NTN1: variants seen among roughly 807,000 people sequenced by gnomAD.
NTN1 encodes the protein netrin-1.
In NTN1, 11 loss-of-function variants were observed where a neutral mutation model predicts 54.2. The observed-to-expected ratio is 0.20, with a 90% CI of 0.13 to 0.34. NTN1 has a LOEUF of 0.34. Among genes scored for constraint, NTN1 ranks in the 10% least tolerant of loss-of-function variants. The pLI is 1.00. For synonymous variants in NTN1, 371 were observed against 382.0 expected (o/e 0.97, Z 0.33); for missense variants, 740 against 893.1 (o/e 0.83, Z 2.18).
the NTN1 span, among the ~76,000 whole-genome samples, chr17:9,003,125 G>A: frequency 6.6e-6 from 1 of 152,170 alleles, no homozygotes; most frequent in African/African-American, 2.4e-5. The surrounding 1 kb of genome is among the most constrained non-coding windows in gnomAD (Gnocchi z 7.4). Flanking sequence ...GCCTCCCGCT[G>A]CCGCCGGCGC....
intron 2 of NTN1, among the ~76,000 whole-genome samples, chr17:9,156,072 G>A (rs2092341075): frequency 6.6e-6 from 1 of 152,008 alleles, no homozygotes; most frequent in African/African-American, 2.4e-5. Context: ...GGGAAGAAGC[G>A]CCCCCCACCG....
intron 2 of NTN1, among the ~76,000 whole-genome samples, chr17:9,073,090 G>A (rs1035020659): frequency 2.6e-5 from 4 of 152,222 alleles, no homozygotes; most frequent in Non-Finnish European, 4.4e-5. Flanking sequence ...GAGGACGAGC[G>A]GATATTGAAA....
At chr17:9,173,220 C>G (rs11870124) in intron 3 of NTN1, 25,878 of 152,442 alleles carry the variant, frequency 0.17, 2,390 homozygotes, top group East Asian at 0.39. Flanking sequence ...TAGGTCCGCT[C>G]CATTCCAGAA....
chr17:9,226,118 C>A (rs1333888303), intron 6 of NTN1, among the ~76,000 whole-genome samples: 1 of 133,080 alleles, frequency 7.5e-6, no homozygotes, highest in South Asian at 2.3e-4. Flanking sequence ...GAGCCCAGCT[C>A]CCGTAGGCTT....
intron 2 of NTN1, among the ~76,000 whole-genome samples, chr17:9,125,927 A>G (rs1352080687): frequency 6.6e-6 from 1 of 152,202 alleles, no homozygotes; most frequent in Non-Finnish European, 1.5e-5. Context: ...CAGTCTTTAC[A>G]TTAAATGTTT....
At chr17:9,193,613 C>T (rs918249538) in intron 5 of NTN1, among the ~76,000 whole-genome samples, 1 of 152,140 alleles carries the variant, frequency 6.6e-6, no homozygotes, top group African/African-American at 2.4e-5. Flanking sequence ...CTGTTTTGCT[C>T]GCTGGTTTAA....
chr17:9,198,758 G>T (rs181834284), intron 5 of NTN1, among the ~76,000 whole-genome samples: 1 of 152,198 alleles, frequency 6.6e-6, no homozygotes, highest in African/African-American at 2.4e-5. Flanking sequence ...AGGAGTTCAG[G>T]CTCAGCTGTG....
intron 4 of NTN1, among the ~76,000 whole-genome samples, chr17:9,182,012 C>T (rs997597489): frequency 3.9e-5 from 6 of 152,204 alleles, no homozygotes; most frequent in South Asian, 4.1e-4. Flanking sequence ...GGATCTTGCT[C>T]TGTTGCCCAG....
In NTN1 at chr17:9,023,099, C is replaced by A. The variant is rs768951304; in HGVS notation, c.726C>A (p.Val242=). ...FDNSPVLQDW[V]TATDIRVAFS... ...ACTCGCCCGTGCTGCAGGACTGGGT[C>A]ACGGCCACAGACATCCGCGTGGCCT... The change falls in exon 2 of 7, where the codon GTC becomes GTA. Residue 242 remains valine, a synonymous_variant. Coordinates refer to ENST00000173229, the MANE Select transcript of NTN1 (RefSeq NM_004822.3). 1.9e-6 allele frequency: 3 copies of A among 1,569,098 alleles called. No individual in the cohort carries two copies. In the South Asian group the frequency reaches 3.5e-5, roughly 18 times the overall value.
At chr17:9,012,759 CT>C in the NTN1 span, among the ~76,000 whole-genome samples, 1 of 152,158 alleles carries the variant, frequency 6.6e-6, no homozygotes, top group Admixed American at 6.6e-5. Flanking sequence ...GTTTGTGCTT[CT>C]GATGTACCAC....
At chr17:9,161,898 C>T (rs1017107387) in intron 2 of NTN1, among the ~76,000 whole-genome samples, 11 of 147,174 alleles carry the variant, frequency 7.5e-5, no homozygotes, top group East Asian at 1.9e-4. Context: ...TGAATGATGT[C>T]GGGCAGGTGA....
At position 9,135,731 on chromosome 17, in the gene NTN1, G is replaced by C. The variant is rs2092278897; in HGVS notation, c.1019-27082G>C. On this transcript the variant is annotated intron_variant, in intron 2 of 6. Transcript: ENST00000173229. The surrounding 1 kb of genome is among the most constrained non-coding windows in gnomAD (Gnocchi z 4.4). ...TTCTAGGGCTCCCTGGAGTAGGCCT[G>C]GTGGGGCACTTGTCCTTAGAGCCCT... Among the ~76,000 whole-genome samples the C allele has an allele frequency of 6.6e-6, 1 of 152,174 alleles. No homozygotes were observed. The highest frequency in any genetic ancestry group is 2.4e-5 in the African/African-American group (1 of 41,438).
chr17:9,230,447 G>GGC (rs1905766744), intron 6 of NTN1, among the ~76,000 whole-genome samples: 1 of 15,616 alleles, frequency 6.4e-5, no homozygotes, highest in Non-Finnish European at 1.1e-4. Context: ...CACCAGATGT[G>GGC]ACCCCCCCCC....
rs1402368859 is a variant in NTN1 at position 9,084,652 on chromosome 17, T to TG, written c.1018+61261_1018+61262insG. On this transcript the variant is annotated intron_variant, in intron 2 of 6. Coordinates refer to ENST00000173229, the MANE Select transcript of NTN1 (RefSeq NM_004822.3). ...TTGGCTTTGTTCTTTGCAGTTTTTT[T>TG]TTTTTTTTTTTTTTTTTGAGATGGA... 1.9e-3 allele frequency among the ~76,000 whole-genome samples: 260 copies of TG among 139,378 alleles called. 1 individual carries two copies. Among genetic ancestry groups the TG allele is most frequent in the African/African-American group, 5.8e-3 (215 of 37,264 alleles). 91.4% of individuals were successfully genotyped at this position (139,378 alleles called of 152,430 possible).
chr17:9,122,526 C>T lies in NTN1; in HGVS notation c.1019-40287C>T, dbSNP rs557368983. ...TTTGACCTAGTGGAGGGGTGGGTCT[C>T]GGGAAGCATTAAACACCAAGCAGTG... On this transcript the variant is annotated intron_variant, in intron 2 of 6. Coordinates refer to ENST00000173229, the MANE Select transcript of NTN1 (RefSeq NM_004822.3). Among the ~76,000 whole-genome samples, 7 of 152,252 alleles carry T rather than the reference C, an allele frequency of 4.6e-5. No individual in the cohort carries two copies. In the East Asian group the frequency reaches 5.8e-4, roughly 13 times the overall value.
chr17:9,213,128 G>A (rs1905148052), intron 5 of NTN1, among the ~76,000 whole-genome samples: 1 of 152,170 alleles, frequency 6.6e-6, no homozygotes, highest in African/African-American at 2.4e-5. Flanking sequence ...TAAAAGGGAG[G>A]GTAGGCTGCT....
intron 2 of NTN1, among the ~76,000 whole-genome samples, chr17:9,057,055 G>A (rs906491443): frequency 2.0e-5 from 3 of 152,120 alleles, no homozygotes; most frequent in South Asian, 2.1e-4. Flanking sequence ...TGGAAACTCA[G>A]TGTGGAAAAC....
At chr17:9,210,520 A>G (rs1291627988) in intron 5 of NTN1, among the ~76,000 whole-genome samples, 2 of 152,028 alleles carry the variant, frequency 1.3e-5, no homozygotes, top group Non-Finnish European at 2.9e-5. Context: ...CAGAAGCTCT[A>G]TAGATTGGAA....
At chr17:9,079,265 A>G (rs890084353) in intron 2 of NTN1, among the ~76,000 whole-genome samples, 1 of 152,132 alleles carries the variant, frequency 6.6e-6, no homozygotes, top group African/African-American at 2.4e-5. Context: ...GGTAGGAGAT[A>G]CCCAGGGGGT....
Sources: allele counts gnomAD v4.1 joint callset (sites outside exome capture counted in the v4.1 genomes callset), GRCh38; gene constraint gnomAD v4.1.1; non-coding constraint Gnocchi (gnomAD v3.1); transcripts MANE v1.5; gene names NCBI Gene and HGNC (gene_info 2026-07-23, HGNC 2026-07-21).